Variants in TRPC5 observed in about 807,000 individuals in gnomAD.
The protein encoded by TRPC5 is short transient receptor potential channel 5.
In TRPC5, 9 loss-of-function variants were observed where a neutral mutation model predicts 56.5. The ratio of observed to expected loss-of-function variants is 0.16; its 90% CI spans 0.10 to 0.28. The LOEUF (loss-of-function observed/expected upper bound fraction) is 0.28. Ranked by LOEUF, TRPC5 falls within the 10% of genes least tolerant of loss-of-function variation. The pLI is 1.00. For missense variants in TRPC5, 469 were observed against 748.9 expected, an observed-to-expected ratio of 0.63 and a Z score of 4.36; for synonymous variants, 282 against 278.5, an observed-to-expected ratio of 1.01 and a Z score of -0.13.
chrX:111,892,376 T>G (rs1317251243), intron 3 of TRPC5, among the ~76,000 whole-genome samples: 2 of 112,321 alleles, frequency 1.8e-5, no homozygotes, highest in African/African-American at 6.5e-5. Context: ...GCCAATTACT[T>G]TCCAAGTGGA....
At chrX:112,048,823 G>GA (rs1317324915) in intron 1 of TRPC5, among the ~76,000 whole-genome samples, 1 of 111,751 alleles carries the variant, frequency 8.9e-6, no homozygotes, top group African/African-American at 3.3e-5. Context: ...CATGAGATTA[G>GA]AAAAACAAAC....
intron 6 of TRPC5, among the ~76,000 whole-genome samples, chrX:111,841,424 C>T (rs887460019): frequency 9.0e-6 from 1 of 111,587 alleles, no homozygotes; most frequent in Non-Finnish European, 1.9e-5. Flanking sequence ...CTATGCAACT[C>T]GGGACAGCCT....
At chrX:111,967,376 A>C (rs1927623872) in intron 1 of TRPC5, among the ~76,000 whole-genome samples, 1 of 111,130 alleles carries the variant, frequency 9.0e-6, no homozygotes, top group South Asian at 3.9e-4. Context: ...GGTAGGAAGA[A>C]TCAATATCGT....
At chrX:111,828,220 C>A (rs145397069) in intron 7 of TRPC5, among the ~76,000 whole-genome samples, 24 of 112,056 alleles carry the variant, frequency 2.1e-4, no homozygotes, top group Admixed American at 9.5e-4. Flanking sequence ...TATGGTTTGG[C>A]TGTGTCCCCA....
intron 7 of TRPC5, among the ~76,000 whole-genome samples, chrX:111,795,167 A>G (rs1946050246): frequency 9.0e-6 from 1 of 110,583 alleles, no homozygotes; most frequent in Admixed American, 9.7e-5. Context: ...TAGAATTGTC[A>G]GCATAACATA....
At chrX:111,958,122 C>T (rs750731163) in intron 1 of TRPC5, among the ~76,000 whole-genome samples, 2 of 111,751 alleles carry the variant, frequency 1.8e-5, no homozygotes, top group East Asian at 2.8e-4. Context: ...ACCTGTCAAA[C>T]ATGTGATCAC....
intron 2 of TRPC5, among the ~76,000 whole-genome samples, chrX:111,950,261 C>T (rs1255421064): frequency 9.1e-6 from 1 of 109,692 alleles, no homozygotes; most frequent in East Asian, 2.9e-4. Context: ...GGAGGTGGAG[C>T]TTGCAGTGAG....
intron 5 of TRPC5, among the ~76,000 whole-genome samples, chrX:111,848,781 G>A (rs1244141736): frequency 1.8e-5 from 2 of 111,823 alleles, no homozygotes; most frequent in Non-Finnish European, 3.8e-5. Flanking sequence ...TCAGTTTTAC[G>A]TACTCTTGGC....
chrX:112,067,938 C>T (rs1420777459), intron 1 of TRPC5, among the ~76,000 whole-genome samples: 1 of 112,472 alleles, frequency 8.9e-6, no homozygotes, highest in African/African-American at 3.2e-5. Context: ...AGCATGTTCA[C>T]ACACATTTCT....
At chrX:111,847,083 TAAATA>T in intron 6 of TRPC5, 26 bp downstream of exon 6, 1 of 1,126,571 alleles carries the variant, frequency 8.9e-7, no homozygotes, top group South Asian at 2.2e-5. Context: ...AAAAAAAAAA[TAAATA>T]AATAAAGGAA....
At chrX:111,889,420 C>T (rs1924696556) in intron 3 of TRPC5, among the ~76,000 whole-genome samples, 1 of 112,246 alleles carries the variant, frequency 8.9e-6, no homozygotes, top group African/African-American at 3.2e-5. Flanking sequence ...TCAGATTCCC[C>T]TGGCTCTAGC....
intron 1 of TRPC5, among the ~76,000 whole-genome samples, chrX:112,068,580 G>A: frequency 8.9e-6 from 1 of 112,080 alleles, no homozygotes; most frequent in Non-Finnish European, 1.9e-5. Context: ...ATCTGCCTGC[G>A]AGGGGCCCAG....
intron 2 of TRPC5, among the ~76,000 whole-genome samples, chrX:111,936,028 T>G (rs1926562505): frequency 8.9e-6 from 1 of 112,157 alleles, no homozygotes; most frequent in Admixed American, 9.5e-5. Flanking sequence ...TTGCATTTAA[T>G]CTATAGATTG....
intron 1 of TRPC5, among the ~76,000 whole-genome samples, chrX:111,974,201 G>T (rs1400026099): frequency 1.8e-5 from 2 of 111,904 alleles, no homozygotes; most frequent in Non-Finnish European, 3.8e-5. Context: ...GGGAAACAAG[G>T]TAGAAGGGTT....
chrX:111,779,533 T>C (rs773188339), intron 9 of TRPC5, among the ~76,000 whole-genome samples: 1 of 112,002 alleles, frequency 8.9e-6, no homozygotes, highest in East Asian at 2.8e-4. Flanking sequence ...ACTTCTCCTT[T>C]ATAGGAATGT....
At position 111,772,975 on chromosome X, in the gene TRPC5, A is replaced by T. The variant is rs923158084; in HGVS notation, c.*3338T>A. 6.3e-5 allele frequency among the ~76,000 whole-genome samples: 7 copies of T among 111,823 alleles called. No homozygotes were observed. Among genetic ancestry groups the T allele is most frequent in the Non-Finnish European group, 1.1e-4 (6 of 53,179 alleles). On this transcript the variant is annotated 3_prime_UTR_variant, in exon 11 of 11. Coordinates refer to ENST00000262839, the MANE Select transcript of TRPC5 (RefSeq NM_012471.3). ...CAGATGAGGTTTGCACTGCCATAAG[A>T]ACTATAAAGTTCTTTTTGGAAAAGG...
intron 2 of TRPC5, among the ~76,000 whole-genome samples, chrX:111,936,817 G>A (rs1244690877): frequency 5.2e-5 from 5 of 96,437 alleles, no homozygotes; most frequent in African/African-American, 2.0e-4. Flanking sequence ...GTGTGCATGT[G>A]TCTTTATAGC....
intron 2 of TRPC5, among the ~76,000 whole-genome samples, chrX:111,949,617 G>A (rs1187820596): frequency 8.9e-6 from 1 of 111,963 alleles, no homozygotes; most frequent in Non-Finnish European, 1.9e-5. Flanking sequence ...GATGATCAGG[G>A]AAATGCAAAT....
intron 1 of TRPC5, among the ~76,000 whole-genome samples, chrX:112,079,646 T>C (rs1223875782): frequency 8.9e-6 from 1 of 112,207 alleles, no homozygotes; most frequent in East Asian, 2.8e-4. Flanking sequence ...TTTCCTGGCC[T>C]AGTCTTCTCT....
Sources: gnomAD v4.1 joint callset for allele counts (sites outside exome capture counted in the v4.1 genomes callset) on GRCh38, gnomAD v4.1.1 for gene constraint, MANE v1.5 for transcripts, NCBI Gene and HGNC (gene_info 2026-07-23, HGNC 2026-07-21) for gene names.